CLDN14: variants seen among roughly 807,000 people sequenced by gnomAD.
CLDN14 encodes claudin 14, also known as claudin-14.
In CLDN14, 2 loss-of-function variants were observed where a neutral mutation model predicts 2.1. That is an observed-to-expected ratio of 0.96 (90% CI 0.39 to 3.01). CLDN14 has a LOEUF of 3.01. CLDN14 is among the 30% of genes most tolerant of loss of function. The pLI, the probability that CLDN14 is intolerant of heterozygous loss-of-function variation, is 0.09. For missense variants in CLDN14, 298 were observed against 328.0 expected (o/e 0.91, Z 0.71); for synonymous variants, 136 against 154.4 (o/e 0.88, Z 0.88).
At chr21:36,467,373 T>C (rs927904943) in intron 1 of CLDN14, among the ~76,000 whole-genome samples, 1 of 152,134 alleles carries the variant, frequency 6.6e-6, no homozygotes, top group Non-Finnish European at 1.5e-5. Context: ...ACGTGTTGTT[T>C]ACCAGCCTGC....
chr21:36,562,877 G>A (rs73902599), intron 1 of CLDN14, among the ~76,000 whole-genome samples: 4,056 of 152,136 alleles, frequency 0.027, 202 homozygotes, highest in African/African-American at 0.093. Flanking sequence ...TTTGGGGTAA[G>A]TTATTCATTC....
chr21:36,484,807 G>A (rs904394133), upstream of CLDN14, among the ~76,000 whole-genome samples: 21 of 152,034 alleles, frequency 1.4e-4, no homozygotes, highest in Non-Finnish European at 2.9e-4. Flanking sequence ...TCCGCCTGCC[G>A]GGTTCAAGTG....
intron 1 of CLDN14, among the ~76,000 whole-genome samples, chr21:36,538,631 GAAA>G (rs201532735): frequency 4.3e-5 from 2 of 46,228 alleles, no homozygotes; most frequent in African/African-American, 7.6e-5. Flanking sequence ...AAAAGAGAGA[GAAA>G]AAAAAGAAGA....
At chr21:36,509,830 G>A (rs190568675) in intron 2 of CLDN14, among the ~76,000 whole-genome samples, 1 of 152,150 alleles carries the variant, frequency 6.6e-6, no homozygotes, top group Admixed American at 6.5e-5. Flanking sequence ...TCCTGACCTC[G>A]TAATCCGCCC....
At chr21:36,492,124 C>G (rs931919579) in intron 2 of CLDN14, among the ~76,000 whole-genome samples, 5 of 151,056 alleles carry the variant, frequency 3.3e-5, no homozygotes, top group African/African-American at 9.8e-5. Context: ...GGCAACATGG[C>G]GAAACTCTGT....
At chr21:36,546,427 C>T (rs1156798898) in intron 1 of CLDN14, among the ~76,000 whole-genome samples, 1 of 152,174 alleles carries the variant, frequency 6.6e-6, no homozygotes, top group East Asian at 1.9e-4. Flanking sequence ...TCACTAGACA[C>T]TGTGATACTT....
At chr21:36,532,080 T>C (rs943080017) in intron 1 of CLDN14, 1 of 152,332 alleles carries the variant, frequency 6.6e-6, no homozygotes, top group Non-Finnish European at 1.5e-5. Context: ...ACAAAATTCA[T>C]TTTACCAACC....
At chr21:36,483,756 C>A (rs146163570), upstream of CLDN14, among the ~76,000 whole-genome samples, 3 of 152,154 alleles carry the variant, frequency 2.0e-5, no homozygotes, top group Non-Finnish European at 4.4e-5. Flanking sequence ...TTTTGTCACC[C>A]CTTCCTGGAG....
upstream of CLDN14, among the ~76,000 whole-genome samples, chr21:36,482,767 ATATCC>A (rs1222028306): frequency 6.6e-6 from 1 of 152,154 alleles, no homozygotes; most frequent in African/African-American, 2.4e-5. Flanking sequence ...CATCAACAGC[ATATCC>A]TGTGAAAGTC....
At chr21:36,556,528 C>T (rs1319299802) in intron 1 of CLDN14, among the ~76,000 whole-genome samples, 1 of 152,148 alleles carries the variant, frequency 6.6e-6, no homozygotes, top group African/African-American at 2.4e-5. Context: ...TGAGTTTTGG[C>T]AAATTTTCTA....
intron 1 of CLDN14, among the ~76,000 whole-genome samples, chr21:36,512,936 T>C (rs1297776092): frequency 6.6e-6 from 1 of 152,220 alleles, no homozygotes; most frequent in Non-Finnish European, 1.5e-5. Flanking sequence ...ATGAAAAACA[T>C]AGCAACAAAG....
chr21:36,529,455 A>G (rs933634621), intron 1 of CLDN14, among the ~76,000 whole-genome samples: 2 of 151,968 alleles, frequency 1.3e-5, no homozygotes, highest in African/African-American at 4.8e-5. Context: ...CGCACAGCTA[A>G]TTTTTGTATT....
intron 1 of CLDN14, among the ~76,000 whole-genome samples, chr21:36,511,170 A>G (rs1016385494): frequency 6.6e-6 from 1 of 152,236 alleles, no homozygotes; most frequent in Admixed American, 6.5e-5. Context: ...ACATAGAGGC[A>G]TGCAAGTCAG....
Position 36,576,210 on chromosome 21 carries a change from C to G in CLDN14, c.-220+201G>C, listed in dbSNP as rs74755642. ...AAGCTGGTGAACTAATCATTGACACCCAATCTACTCATTACAACACATAGA... is the reference window on the plus strand; with the variant it reads ...AAGCTGGTGAACTAATCATTGACACGCAATCTACTCATTACAACACATAGA... On this transcript the variant is annotated intron_variant, in intron 1 of 2. Coordinates refer to the CLDN14 transcript ENST00000342108. Among the ~76,000 whole-genome samples, 445 of 152,212 alleles carry G rather than the reference C, an allele frequency of 2.9e-3. 1 individual carries two copies. Among genetic ancestry groups the G allele is most frequent in the African/African-American group, 0.01 (420 of 41,538 alleles).
intron 1 of CLDN14, chr21:36,466,242 G>C (rs1290897801): frequency 6.6e-6 from 1 of 152,256 alleles, no homozygotes; most frequent in Non-Finnish European, 1.5e-5. Flanking sequence ...AATCACTTTG[G>C]CACAATAACT....
intron 1 of CLDN14, among the ~76,000 whole-genome samples, chr21:36,536,693 C>T (rs1409693019): frequency 6.6e-6 from 1 of 152,188 alleles, no homozygotes; most frequent in African/African-American, 2.4e-5. Flanking sequence ...TCCCCTCCTT[C>T]CTCCCACCCA....
At chr21:36,519,418 A>G (rs959403652) in intron 1 of CLDN14, among the ~76,000 whole-genome samples, 2 of 152,226 alleles carry the variant, frequency 1.3e-5, no homozygotes, top group Non-Finnish European at 2.9e-5. Context: ...TCTACTAAAA[A>G]TACAAAAAAT....
chr21:36,514,169 CAG>C (rs2087206360), intron 1 of CLDN14, among the ~76,000 whole-genome samples: 1 of 152,242 alleles, frequency 6.6e-6, no homozygotes, highest in South Asian at 2.1e-4. Context: ...AAGTTCTTAA[CAG>C]AATCAGAAGG....
chr21:36,466,997 C>A (rs1031464700), intron 1 of CLDN14, among the ~76,000 whole-genome samples: 5 of 152,130 alleles, frequency 3.3e-5, no homozygotes, highest in African/African-American at 9.7e-5. Flanking sequence ...TCGACTTCAT[C>A]CCCAGCAGAG....
Sources: allele counts gnomAD v4.1 joint callset (sites outside exome capture counted in the v4.1 genomes callset), GRCh38; gene constraint gnomAD v4.1.1; transcripts MANE v1.5; gene names NCBI Gene and HGNC (gene_info 2026-07-23, HGNC 2026-07-21).